Variants in RORA observed in about 807,000 individuals in gnomAD.
RORA encodes nuclear receptor ROR-alpha.
A neutral mutation model predicts 69.5 loss-of-function variants in RORA; 7 were observed. The ratio of observed to expected loss-of-function variants is 0.10; its 90% CI spans 0.06 to 0.19. The LOEUF (loss-of-function observed/expected upper bound fraction) is 0.19. RORA is among the 10% of genes least tolerant of loss of function. The pLI is 1.00. For synonymous variants in RORA, 261 were observed against 240.8 expected (o/e 1.08, Z -0.78); for missense variants, 457 against 663.0 (o/e 0.69, Z 3.41).
chr15:61,187,416 G>A (rs1018662936), intron 1 of RORA, among the ~76,000 whole-genome samples: 4 of 152,182 alleles, frequency 2.6e-5, no homozygotes, highest in Non-Finnish European at 1.5e-5. Context: ...CTCTCGAGAG[G>A]AAAATCCACC....
At chr15:60,793,292 C>G (rs957203072) in intron 1 of RORA, among the ~76,000 whole-genome samples, 2 of 152,116 alleles carry the variant, frequency 1.3e-5, no homozygotes, top group Non-Finnish European at 2.9e-5. Flanking sequence ...CATGATCAGA[C>G]AAACTCATAA....
chr15:61,087,842 G>A (rs1009027746), intron 1 of RORA, among the ~76,000 whole-genome samples: 1 of 152,364 alleles, frequency 6.6e-6, no homozygotes, highest in Admixed American at 6.5e-5. Flanking sequence ...TATGGCCAGG[G>A]AGCCATAAAT....
intron 2 of RORA, among the ~76,000 whole-genome samples, chr15:60,535,352 C>T (rs1345595242): frequency 1.3e-5 from 2 of 152,196 alleles, no homozygotes; most frequent in African/African-American, 4.8e-5. Flanking sequence ...CTAATTTGCC[C>T]ACATTTTCAG....
chr15:60,505,369 G>C, intron 6 of RORA, 139 bp downstream of exon 6: 1 of 870,040 alleles, frequency 1.1e-6, no homozygotes, highest in Non-Finnish European at 1.8e-6. Flanking sequence ...TACATTAGTA[G>C]CTTCAGAAAA....
At chr15:60,565,044 C>G (rs531196681) in intron 2 of RORA, among the ~76,000 whole-genome samples, 1 of 152,034 alleles carries the variant, frequency 6.6e-6, no homozygotes, top group Admixed American at 6.6e-5. Context: ...ACAGAGTGTT[C>G]CTGAAACAGT....
At chr15:60,970,246 G>A (rs1051284872) in intron 1 of RORA, among the ~76,000 whole-genome samples, 1 of 152,172 alleles carries the variant, frequency 6.6e-6, no homozygotes, top group Non-Finnish European at 1.5e-5. Flanking sequence ...CTATCTCATG[G>A]AGGTCTTGTG....
At chr15:61,196,264 T>C (rs565162198) in intron 1 of RORA, among the ~76,000 whole-genome samples, 2 of 152,350 alleles carry the variant, frequency 1.3e-5, no homozygotes, top group African/African-American at 2.4e-5. Flanking sequence ...TTATGCTGAA[T>C]AGCTGCAATA....
intron 1 of RORA, among the ~76,000 whole-genome samples, chr15:61,118,338 A>C (rs557541584): frequency 2.0e-5 from 3 of 152,192 alleles, no homozygotes; most frequent in Non-Finnish European, 4.4e-5. Context: ...AGGCCCTGTG[A>C]ACTAAAGCAC....
At chr15:61,075,114 G>A (rs531337161) in intron 1 of RORA, among the ~76,000 whole-genome samples, 4 of 151,580 alleles carry the variant, frequency 2.6e-5, no homozygotes, top group South Asian at 2.1e-4. Context: ...TTTCCAGAGA[G>A]TAACAGCGGC....
chr15:61,229,005 C>G (rs2080175219), intron 1 of RORA, 48 bp downstream of exon 1: 1 of 1,139,510 alleles, frequency 8.8e-7, no homozygotes, highest in African/African-American at 1.7e-5. Context: ...CCCCGCTCCG[C>G]GCCCGGGCTC....
chr15:61,121,859 AAG>A (rs2079107996), intron 1 of RORA, among the ~76,000 whole-genome samples: 1 of 151,862 alleles, frequency 6.6e-6, no homozygotes, highest in Non-Finnish European at 1.5e-5. Flanking sequence ...AAAAAAAAAA[AAG>A]GGCCCAAGTA....
intron 2 of RORA, among the ~76,000 whole-genome samples, chr15:60,603,868 C>T (rs1417104090): frequency 6.6e-6 from 1 of 152,096 alleles, no homozygotes; most frequent in East Asian, 1.9e-4. Flanking sequence ...GGCATGGTGG[C>T]TCACGCCTGT....
intron 1 of RORA, among the ~76,000 whole-genome samples, chr15:60,910,966 C>T (rs1317571325): frequency 6.9e-5 from 10 of 145,754 alleles, no homozygotes; most frequent in South Asian, 2.2e-4. Flanking sequence ...TGCAATGGCG[C>T]GATCCTGGCT....
chr15:60,805,959 G>T (rs1321424169), intron 1 of RORA, among the ~76,000 whole-genome samples: 3 of 152,188 alleles, frequency 2.0e-5, no homozygotes, highest in Middle Eastern at 3.2e-3. Flanking sequence ...CCTCTTCGGA[G>T]GACCAATTCT....
intron 1 of RORA, among the ~76,000 whole-genome samples, chr15:60,718,416 T>A (rs891871350): frequency 2.0e-5 from 3 of 152,162 alleles, no homozygotes; most frequent in African/African-American, 7.2e-5. Context: ...AAATGGTCAC[T>A]CCTCACTTTT....
intron 1 of RORA, among the ~76,000 whole-genome samples, chr15:60,851,293 C>T (rs908433706): frequency 6.6e-5 from 10 of 152,182 alleles, no homozygotes; most frequent in Non-Finnish European, 1.0e-4. Flanking sequence ...CCTTGTCAGC[C>T]GCTTCCACAA....
intron 1 of RORA, among the ~76,000 whole-genome samples, chr15:61,149,846 T>C (rs2079382880): frequency 2.0e-5 from 3 of 152,210 alleles, no homozygotes; most frequent in African/African-American, 7.2e-5. Flanking sequence ...TTCATAGCCA[T>C]GTGACTTCAG....
chr15:60,819,695 G>C (rs1352488911), intron 1 of RORA, among the ~76,000 whole-genome samples: 1 of 151,068 alleles, frequency 6.6e-6, no homozygotes, highest in South Asian at 2.1e-4. Context: ...ATTCCAGTAA[G>C]GGGCTCCCTA....
chr15:61,192,184 C>T (rs779910240), intron 1 of RORA, among the ~76,000 whole-genome samples: 10 of 152,236 alleles, frequency 6.6e-5, no homozygotes, highest in Non-Finnish European at 1.5e-4. Flanking sequence ...GTGAATAATG[C>T]GGAGGACTTG....
Sources: allele counts gnomAD v4.1 joint callset (sites outside exome capture counted in the v4.1 genomes callset), GRCh38; gene constraint gnomAD v4.1.1; transcripts MANE v1.5; gene names NCBI Gene and HGNC (gene_info 2026-07-23, HGNC 2026-07-21).